The following RPS6KA6 variants were observed in gnomAD, a reference collection of about 807,000 sequenced individuals.
The protein encoded by RPS6KA6 is ribosomal protein S6 kinase A6.
In RPS6KA6, 27 loss-of-function variants were observed where a neutral mutation model predicts 65.4. The ratio of observed to expected loss-of-function variants is 0.41; its 90% CI spans 0.30 to 0.57. RPS6KA6 has a LOEUF of 0.57. RPS6KA6 is among the 20% of genes least tolerant of loss of function. The probability of loss-of-function intolerance (pLI) is 0.24; values close to 1 mark genes in which losing one functional copy is unlikely to be tolerated. For missense variants in RPS6KA6, 486 were observed against 555.6 expected (o/e 0.87, Z 1.26); for synonymous variants, 190 against 184.2 (o/e 1.03, Z -0.26).
chrX:84,139,286 T>A (rs2035053839), intron 6 of RPS6KA6, among the ~76,000 whole-genome samples: 1 of 111,908 alleles, frequency 8.9e-6, no homozygotes, highest in African/African-American at 3.2e-5. Context: ...TCAAACATAT[T>A]TGTGACACTT....
chrX:84,178,644 G>T (rs2035803797), intron 1 of RPS6KA6, among the ~76,000 whole-genome samples: 1 of 111,231 alleles, frequency 9.0e-6, no homozygotes, highest in Admixed American at 9.7e-5. Context: ...GTGACAAAAT[G>T]ATTTTTGATA....
chrX:84,060,029 G>A lies in RPS6KA6; in HGVS notation c.*4248C>T, dbSNP rs2033277216. 9.0e-6 allele frequency: 1 copy of A among 111,546 alleles called. No individual in the cohort carries two copies. 9.2% of individuals were successfully genotyped at this position (111,546 alleles called of 1,213,427 possible). A position where few individuals can be genotyped will look rare whatever the true frequency, so the allele number is the denominator to read the frequency against. Reference sequence around the variant, plus strand: ...TTAGCAACCAAACTGAATTTTAGGTGATCAAGCATAACATTTTATTGAAAG... The same window carrying A: ...TTAGCAACCAAACTGAATTTTAGGTAATCAAGCATAACATTTTATTGAAAG... On this transcript the variant is annotated 3_prime_UTR_variant, in exon 22 of 22. Coordinates refer to ENST00000262752, the MANE Select transcript of RPS6KA6 (RefSeq NM_014496.5).
chrX:84,116,357 C>A, intron 11 of RPS6KA6, 70 bp from the exon 12 acceptor site: 1 of 532,162 alleles, frequency 1.9e-6, no homozygotes, highest in Non-Finnish European at 2.9e-6. Context: ...TTCCAGACTG[C>A]TATCTGTAAA....
intron 16 of RPS6KA6, among the ~76,000 whole-genome samples, chrX:84,105,392 C>A (rs935003722): frequency 9.0e-6 from 1 of 111,245 alleles, no homozygotes; most frequent in Non-Finnish European, 1.9e-5. Context: ...ACTCCAGAAA[C>A]AATCCATAAT....
intron 1 of RPS6KA6, among the ~76,000 whole-genome samples, chrX:84,179,363 G>A (rs375093787): frequency 4.5e-5 from 5 of 111,267 alleles, no homozygotes; most frequent in African/African-American, 1.6e-4. Flanking sequence ...TGTCCAAACC[G>A]AAATTTTCAT....
intron 20 of RPS6KA6, among the ~76,000 whole-genome samples, chrX:84,077,315 C>G (rs1452022080): frequency 2.7e-5 from 3 of 110,785 alleles, no homozygotes; most frequent in Non-Finnish European, 5.7e-5. Flanking sequence ...TCAAAAAACT[C>G]TGAAAAAGAA....
chrX:84,093,814 C>T (rs1189047523), intron 20 of RPS6KA6, among the ~76,000 whole-genome samples: 2 of 111,529 alleles, frequency 1.8e-5, no homozygotes, highest in East Asian at 2.8e-4. Flanking sequence ...ATTCACATAA[C>T]GCTTAGTTCC....
chrX:84,103,227 T>C (rs950322294), intron 17 of RPS6KA6, among the ~76,000 whole-genome samples: 4 of 111,188 alleles, frequency 3.6e-5, no homozygotes, highest in African/African-American at 1.3e-4. Context: ...AGATGAACCA[T>C]GCTAAAACAG....
intron 8 of RPS6KA6, among the ~76,000 whole-genome samples, chrX:84,124,839 A>G (rs1482264864): frequency 1.8e-5 from 2 of 111,801 alleles, no homozygotes; most frequent in Non-Finnish European, 3.8e-5. Flanking sequence ...TTTAAACCAA[A>G]GAAGACTACC....
chrX:84,087,448 A>G (rs1241370110), intron 20 of RPS6KA6, among the ~76,000 whole-genome samples: 2 of 111,793 alleles, frequency 1.8e-5, no homozygotes. Context: ...TCTGGGTTGG[A>G]AATTCTTTTC....
At chrX:84,145,582 A>T (rs764747415) in intron 5 of RPS6KA6, 25 bp from the exon 6 acceptor site, 1 of 889,986 alleles carries the variant, frequency 1.1e-6, no homozygotes, top group Admixed American at 3.2e-5. Flanking sequence ...GAATATAGTA[A>T]CAGGATAATC....
chrX:84,102,212 G>GA lies in RPS6KA6; in HGVS notation c.1615-15dup. The GA allele has an allele frequency of 1.1e-6, 1 of 931,355 alleles. No individual in the cohort carries two copies. Among genetic ancestry groups the GA allele is most frequent in the Non-Finnish European group, 1.4e-6 (1 of 697,777 alleles). 76.8% of individuals were successfully genotyped at this position (931,355 alleles called of 1,213,427 possible). A position where few individuals can be genotyped will look rare whatever the true frequency, so the allele number is the denominator to read the frequency against. On this transcript the variant is annotated splice_polypyrimidine_tract_variant and intron_variant, in intron 17 of 21. Transcript: ENST00000262752. ...ACGATGAACAACCTTGAATATAAAG[G>GA]AAAAAAGCATTATATCTATATAATT... is the stretch of plus-strand genomic sequence containing the variant.
At chrX:84,185,222 C>G (rs986459048) in intron 1 of RPS6KA6, among the ~76,000 whole-genome samples, 2 of 111,206 alleles carry the variant, frequency 1.8e-5, no homozygotes, top group African/African-American at 6.6e-5. Context: ...ACAGTCCCTG[C>G]AAGAGCTCTC....
intron 6 of RPS6KA6, among the ~76,000 whole-genome samples, chrX:84,143,162 A>G (rs1299724904): frequency 9.0e-6 from 1 of 111,374 alleles, no homozygotes; most frequent in Non-Finnish European, 1.9e-5. Flanking sequence ...GGTTGGTTCA[A>G]CATCTGACTA....
At chrX:84,104,163 T>C (rs778844894) in intron 17 of RPS6KA6, among the ~76,000 whole-genome samples, 17 of 111,159 alleles carry the variant, frequency 1.5e-4, no homozygotes, top group African/African-American at 5.2e-4. Flanking sequence ...CTTTATATGT[T>C]AGGTAACTTG....
At chrX:84,154,543 A>G (rs2035381186) in intron 3 of RPS6KA6, among the ~76,000 whole-genome samples, 1 of 111,607 alleles carries the variant, frequency 9.0e-6, no homozygotes, top group Non-Finnish European at 1.9e-5. Context: ...AAATAGCTAT[A>G]AAGTGCAAAA....
chrX:84,119,369 T>C (rs2034625817), intron 9 of RPS6KA6, among the ~76,000 whole-genome samples: 2 of 112,020 alleles, frequency 1.8e-5, no homozygotes, highest in South Asian at 7.4e-4. Context: ...GCAAATTCTA[T>C]GCTTAATCTC....
chrX:84,112,381 C>T (rs578261522), intron 12 of RPS6KA6, among the ~76,000 whole-genome samples: 7 of 111,825 alleles, frequency 6.3e-5, no homozygotes, highest in African/African-American at 1.9e-4. Context: ...TTTTCTCCAC[C>T]GCCCATGTAA....
At chrX:84,166,831 A>G (rs958003982) in intron 1 of RPS6KA6, among the ~76,000 whole-genome samples, 2 of 111,575 alleles carry the variant, frequency 1.8e-5, no homozygotes, top group African/African-American at 3.3e-5. Context: ...AACTTTTAAA[A>G]TTTACTGTTG....
Sources: allele counts gnomAD v4.1 joint callset (sites outside exome capture counted in the v4.1 genomes callset), GRCh38; gene constraint gnomAD v4.1.1; transcripts MANE v1.5; gene names NCBI Gene and HGNC (gene_info 2026-07-23, HGNC 2026-07-21).